The following TRRAP variants were observed in gnomAD, a reference collection of about 807,000 sequenced individuals.
The protein encoded by TRRAP is transformation/transcription domain-associated protein.
TRRAP carries 41 observed loss-of-function variants against 438.8 expected under a neutral mutation model. The observed-to-expected ratio is 0.09, with a 90% confidence interval of 0.07 to 0.12. The LOEUF (loss-of-function observed/expected upper bound fraction) is 0.12. Among genes scored for constraint, TRRAP ranks in the 10% least tolerant of loss-of-function variants. The pLI is 1.00. For missense variants in TRRAP, 3,122 were observed against 5,055.1 expected (o/e 0.62, Z 11.60); for synonymous variants, 1,994 against 1,962.9 (o/e 1.02, Z -0.42).
chr7:98,992,117 A>T lies in TRRAP; in HGVS notation c.9757-20A>T. 2 of 1,612,744 alleles carry T rather than the reference A, an allele frequency of 1.2e-6. No homozygotes were observed. Among genetic ancestry groups the T allele is most frequent in the Non-Finnish European group, 1.7e-6 (2 of 1,178,686 alleles). ...CTCAGCAGAGAGCAGCACTGTTTATAACATCTTGTCTCTGAGCAGGTTGGA... is the reference window on the plus strand; with the variant it reads ...CTCAGCAGAGAGCAGCACTGTTTATTACATCTTGTCTCTGAGCAGGTTGGA... On this transcript the variant is annotated intron_variant, in intron 64 of 72. Coordinates refer to ENST00000456197, the MANE Select transcript of TRRAP (RefSeq NM_001375524.1).
intron 50 of TRRAP, 88 bp downstream of exon 50, chr7:98,967,250 TTTACTC>T (rs1335330902): frequency 1.3e-6 from 2 of 1,499,730 alleles, no homozygotes; most frequent in Non-Finnish European, 1.8e-6. Context: ...ATTTTAATCT[TTTACTC>T]ATACCTAAGT....
At chr7:98,943,127 G>T in intron 31 of TRRAP, 110 bp downstream of exon 31, 1 of 1,093,668 alleles carries the variant, frequency 9.1e-7, no homozygotes, top group Non-Finnish European at 1.3e-6. Flanking sequence ...AGTTTGACGT[G>T]ATTGTAGTCC....
Position 98,994,971 on chromosome 7 carries a change from A to G in TRRAP, c.10309+123A>G. On this transcript the variant is annotated intron_variant, in intron 67 of 72. Coordinates refer to ENST00000456197, the MANE Select transcript of TRRAP (RefSeq NM_001375524.1). This position sits in a 1 kb window ranked among gnomAD's most constrained non-coding sequence, Gnocchi z 4.8. ...TCACTGCACGGGGCACACTGGTTAC[A>G]CTCTGTTTACAGTGCAGACTTCAGA... The G allele has an allele frequency of 7.3e-7, 1 of 1,376,532 alleles. No individual in the cohort carries two copies. Among genetic ancestry groups the G allele is most frequent in the Admixed American group, 2.2e-5 (1 of 46,392 alleles). The allele number at this position is 1,376,532 out of a possible 1,614,324, so 85.3% of individuals were successfully genotyped here.
At chr7:98,967,279 T>C in intron 50 of TRRAP, 117 bp downstream of exon 50, 1 of 1,418,064 alleles carries the variant, frequency 7.1e-7, no homozygotes, top group South Asian at 1.4e-5. Flanking sequence ...AAAATATTCA[T>C]TTAAATGCTA....
intron 59 of TRRAP, among the ~76,000 whole-genome samples, chr7:98,982,751 C>T (rs975242366): frequency 9.8e-4 from 7 of 7,170 alleles, no homozygotes; most frequent in Non-Finnish European, 1.8e-3. Flanking sequence ...GCTCATAGGA[C>T]GGTGACTCAA....
At chr7:98,962,174 C>A in intron 46 of TRRAP, 128 bp from the exon 47 acceptor site, 2 of 1,413,528 alleles carry the variant, frequency 1.4e-6, no homozygotes, top group Non-Finnish European at 2.0e-6. Flanking sequence ...CCCACACTGT[C>A]CTGCAGGGAG....
chr7:98,982,006 A>G (rs767704125), intron 59 of TRRAP, 46 bp downstream of exon 59: 7 of 1,466,536 alleles, frequency 4.8e-6, no homozygotes, highest in Non-Finnish European at 5.4e-6. Flanking sequence ...GGCCTGTCGC[A>G]GCCAAGCGCC....
Position 98,908,972 on chromosome 7 carries a change from C to T in TRRAP, c.1350+10C>T. 6.2e-7 allele frequency: 1 copy of T among 1,603,816 alleles called. No individual in the cohort carries two copies. The highest frequency in any genetic ancestry group is 8.5e-7 in the Non-Finnish European group (1 of 1,172,946). On this transcript the variant is annotated intron_variant, in intron 14 of 72. Coordinates refer to ENST00000456197, the MANE Select transcript of TRRAP (RefSeq NM_001375524.1). This position sits in a 1 kb window ranked among gnomAD's most constrained non-coding sequence, Gnocchi z 4.1. ...GATGCGGATGCTGGAGGTACCAGCTCTTCTGAGAGTATCATCCATCCTGCA... is the reference window on the plus strand; with the variant it reads ...GATGCGGATGCTGGAGGTACCAGCTTTTCTGAGAGTATCATCCATCCTGCA...
chr7:98,981,122 C>G (rs569375701), intron 58 of TRRAP, among the ~76,000 whole-genome samples: 3 of 152,228 alleles, frequency 2.0e-5, no homozygotes, highest in African/African-American at 7.2e-5. Context: ...TGCTGATTGG[C>G]CAGGCACGGT....
chr7:98,973,373 G>A lies in TRRAP; in HGVS notation c.7839+1428G>A, dbSNP rs1044699200. 5.9e-5 allele frequency among the ~76,000 whole-genome samples: 9 copies of A among 152,306 alleles called. No individual in the cohort carries two copies. The South Asian group carries it at 8.3e-4, about 14-fold the overall frequency. ...GATGGTCACCATGACACATCACCAC[G>A]TCATCAGGTGCCTGGGCCTCAGTTT... On this transcript the variant is annotated intron_variant, in intron 53 of 72. Transcript: ENST00000456197.
At position 98,882,062 on chromosome 7, in the gene TRRAP, A is replaced by G. The variant is rs782011488; in HGVS notation, c.150+38A>G. On this transcript the variant is annotated intron_variant, in intron 3 of 72. Transcript: ENST00000456197. ...TATTTTCTATTTTTCATTTTGAGGT[A>G]AATATTCTTATTCACTTTCCTGTCC... The G allele has an allele frequency of 3.2e-6, 5 of 1,554,636 alleles. No homozygotes were observed. In the East Asian group the frequency reaches 6.8e-5, roughly 21 times the overall value.
chr7:98,907,737 A>G (rs1434033536), intron 13 of TRRAP, among the ~76,000 whole-genome samples: 2 of 152,054 alleles, frequency 1.3e-5, no homozygotes, highest in Non-Finnish European at 1.5e-5. Context: ...TTGCAGCCAC[A>G]CTGGCCCCTG....
intron 6 of TRRAP, 43 bp downstream of exon 6, chr7:98,893,924 A>C (rs781940334): frequency 6.3e-7 from 1 of 1,583,032 alleles, no homozygotes; most frequent in South Asian, 1.2e-5. Context: ...AAGTGTGTCA[A>C]CATGTTCCTT....
chr7:98,918,984 C>CAA (rs782343068), intron 20 of TRRAP, among the ~76,000 whole-genome samples: 4 of 73,572 alleles, frequency 5.4e-5, no homozygotes, highest in African/African-American at 9.7e-5. Flanking sequence ...TAAACTGTCT[C>CAA]AAAAAAAAAA....
chr7:98,890,473 CA>C, intron 4 of TRRAP, 28 bp downstream of exon 4: 1 of 1,501,026 alleles, frequency 6.7e-7, no homozygotes, highest in Admixed American at 2.2e-5. Context: ...CATGAGAAGA[CA>C]AGGGTGCTGT....
At chr7:98,937,596 T>A in intron 29 of TRRAP, 54 bp from the exon 30 acceptor site, 1 of 1,534,972 alleles carries the variant, frequency 6.5e-7, no homozygotes, top group Non-Finnish European at 8.8e-7. Flanking sequence ...TTCTGTTCTA[T>A]TATGAAGTGT....
At chr7:98,901,025 G>A (rs781963032) in intron 11 of TRRAP, among the ~76,000 whole-genome samples, 7 of 152,170 alleles carry the variant, frequency 4.6e-5, no homozygotes, top group Non-Finnish European at 7.4e-5. Context: ...TTTGAGTCTG[G>A]CTTCTTTCAC....
chr7:98,881,078 T>G lies in TRRAP; in HGVS notation c.-61-12T>G. Reference sequence around the variant, plus strand: ...CTCCATAAATTGACTAACTCTATGCTTCTTTTCATAGGCTGGTTGAACTCA... The same window carrying G: ...CTCCATAAATTGACTAACTCTATGCGTCTTTTCATAGGCTGGTTGAACTCA... On this transcript the variant is annotated splice_polypyrimidine_tract_variant and intron_variant, in intron 1 of 72. Coordinates refer to ENST00000456197, the MANE Select transcript of TRRAP (RefSeq NM_001375524.1). 2 of 1,339,806 alleles carry G rather than the reference T, an allele frequency of 1.5e-6. No individual in the cohort carries two copies. Among genetic ancestry groups the G allele is most frequent in the Non-Finnish European group, 2.1e-6 (2 of 970,826 alleles). 83.0% of individuals were successfully genotyped at this position (1,339,806 alleles called of 1,614,324 possible).
Position 98,948,164 on chromosome 7 carries a change from C to CTGTCA in TRRAP, c.4549-57_4549-56insTGTCA. On this transcript the variant is annotated intron_variant, in intron 33 of 72. Transcript: ENST00000456197. The surrounding 1 kb of genome is among the most constrained non-coding windows in gnomAD (Gnocchi z 4.9). Reference sequence around the variant, plus strand: ...ATAGTAGGGTCTGTAGTGACGTTGACCTCTGTCACTTGCAAAATTAATCGA... The same window carrying CTGTCA: ...ATAGTAGGGTCTGTAGTGACGTTGACTGTCACTCTGTCACTTGCAAAATTAATCGA... The CTGTCA allele has an allele frequency of 1.2e-6, 2 of 1,607,840 alleles. No individual in the cohort carries two copies. Among genetic ancestry groups the CTGTCA allele is most frequent in the Admixed American group, 1.7e-5 (1 of 59,990 alleles).
Sources: allele counts gnomAD v4.1 joint callset (sites outside exome capture counted in the v4.1 genomes callset), GRCh38; gene constraint gnomAD v4.1.1; non-coding constraint Gnocchi (gnomAD v3.1); transcripts MANE v1.5; gene names NCBI Gene and HGNC (gene_info 2026-07-23, HGNC 2026-07-21).